The following PRKD3 variants were observed in gnomAD, a reference collection of about 807,000 sequenced individuals.
PRKD3 encodes the protein serine/threonine-protein kinase D3.
A neutral mutation model predicts 99.2 loss-of-function variants in PRKD3; 47 were observed. The observed-to-expected ratio is 0.47, with a 90% CI of 0.38 to 0.60. The LOEUF (loss-of-function observed/expected upper bound fraction) is 0.60. Among genes scored for constraint, PRKD3 ranks in the 20% least tolerant of loss-of-function variants. The pLI is 0.00. For synonymous variants in PRKD3, 392 were observed against 355.4 expected, an observed-to-expected ratio of 1.10 and a Z score of -1.16; for missense variants, 1,019 against 1,088.4, an observed-to-expected ratio of 0.94 and a Z score of 0.90.
chr2:37,262,895 T>TCCC (rs68028740), intron 14 of PRKD3, among the ~76,000 whole-genome samples: 1 of 144,378 alleles, frequency 6.9e-6, no homozygotes, highest in Non-Finnish European at 1.5e-5. Context: ...TAAGATTCCT[T>TCCC]CCCCCCCCCG....
intron 2 of PRKD3, among the ~76,000 whole-genome samples, chr2:37,311,078 A>C (rs1448084889): frequency 6.6e-6 from 1 of 152,188 alleles, no homozygotes; most frequent in African/African-American, 2.4e-5. Context: ...CTATATGTGC[A>C]TAAAGAGACC....
rs1176890864 is a variant in PRKD3 at position 37,251,096 on chromosome 2, G to A, written c.*2081C>T. The stretch of plus-strand genomic sequence containing the variant: ...ATAGTAAAACCACAGTAGATTGATT[G>A]CCTAGTGACTCAGAATTATTCCATT... On this transcript the variant is annotated 3_prime_UTR_variant, in exon 19 of 19. Coordinates refer to ENST00000234179, the MANE Select transcript of PRKD3 (RefSeq NM_005813.6). 8 of 152,608 alleles carry A rather than the reference G, an allele frequency of 5.2e-5. No individual in the cohort carries two copies. The highest frequency in any genetic ancestry group is 1.9e-4 in the African/African-American group (8 of 41,452). The allele number at this position is 152,608 out of a possible 1,614,324, so 9.5% of individuals were successfully genotyped here. A position where few individuals can be genotyped will look rare whatever the true frequency, so the allele number is the denominator to read the frequency against.
Position 37,250,740 on chromosome 2 carries a change from C to T in PRKD3, c.*2437G>A, listed in dbSNP as rs912648517. ...ATAGGAAATACATTTTATTATCAAG[C>T]TTCCAGTATATTTACAAAAAGTTGG... On this transcript the variant is annotated 3_prime_UTR_variant, in exon 19 of 19. Coordinates refer to ENST00000234179, the MANE Select transcript of PRKD3 (RefSeq NM_005813.6). 7 of 152,166 alleles carry T rather than the reference C, an allele frequency of 4.6e-5. No homozygotes were observed. Among genetic ancestry groups the T allele is most frequent in the African/African-American group, 1.7e-4 (7 of 41,314 alleles). The allele number at this position is 152,166 out of a possible 1,614,324, so 9.4% of individuals were successfully genotyped here. A position where few individuals can be genotyped will look rare whatever the true frequency, so the allele number is the denominator to read the frequency against.
At chr2:37,262,548 C>T (rs190512427) in intron 14 of PRKD3, among the ~76,000 whole-genome samples, 1 of 152,192 alleles carries the variant, frequency 6.6e-6, no homozygotes, top group African/African-American at 2.4e-5. Context: ...ATAAATGAAA[C>T]TCAAATACCC....
At chr2:37,275,376 C>G (rs1177151497) in intron 10 of PRKD3, among the ~76,000 whole-genome samples, 2 of 152,154 alleles carry the variant, frequency 1.3e-5, no homozygotes, top group Admixed American at 1.3e-4. Context: ...AAGAGCCAAA[C>G]AAGCAATTGG....
intron 8 of PRKD3, 57 bp downstream of exon 8, chr2:37,279,689 T>G: frequency 1.5e-3 from 1,956 of 1,332,470 alleles, no homozygotes; most frequent in Non-Finnish European, 1.8e-3. Context: ...TTTTTCTTAA[T>G]GAGATCCTGA....
intron 18 of PRKD3, 133 bp downstream of exon 18, chr2:37,254,071 G>A: frequency 1.5e-6 from 1 of 660,812 alleles, no homozygotes; most frequent in Non-Finnish European, 2.7e-6. Flanking sequence ...CAGAGATTCA[G>A]CCATAGTACA....
At chr2:37,283,399 TA>T in intron 6 of PRKD3, among the ~76,000 whole-genome samples, 1 of 152,172 alleles carries the variant, frequency 6.6e-6, no homozygotes, top group Non-Finnish European at 1.5e-5. Context: ...AATAACTGGG[TA>T]AAAATAACTT....
chr2:37,296,929 T>C (rs979308006), intron 2 of PRKD3, among the ~76,000 whole-genome samples: 1 of 147,066 alleles, frequency 6.8e-6, no homozygotes, highest in Non-Finnish European at 1.5e-5. Flanking sequence ...AAAAATTATG[T>C]AAGAGTCTAA....
chr2:37,306,448 T>C (rs1558574602), intron 2 of PRKD3, among the ~76,000 whole-genome samples: 2 of 152,194 alleles, frequency 1.3e-5, no homozygotes, highest in African/African-American at 4.8e-5. Flanking sequence ...TATAGGAACT[T>C]TTTATATATA....
chr2:37,303,162 A>C (rs1671011704), intron 2 of PRKD3, among the ~76,000 whole-genome samples: 1 of 152,060 alleles, frequency 6.6e-6, no homozygotes, highest in Non-Finnish European at 1.5e-5. Context: ...ACTATCGGGA[A>C]GAGCCGCTGG....
At chr2:37,287,737 T>C (rs984020453) in intron 5 of PRKD3, among the ~76,000 whole-genome samples, 3 of 152,204 alleles carry the variant, frequency 2.0e-5, no homozygotes, top group Non-Finnish European at 2.9e-5. Context: ...ATGAGCCACA[T>C]TGAACTGGGT....
chr2:37,282,771 TGCACCCCCCC>T (rs1266958807), intron 6 of PRKD3, 152 bp from the exon 7 acceptor site: 23 of 623,172 alleles, frequency 3.7e-5, no homozygotes, highest in Non-Finnish European at 6.6e-5. Context: ...AGCACCCCTC[TGCACCCCCCC>T]ATCATTTTCT....
chr2:37,293,361 G>A, intron 2 of PRKD3, 90 bp from the exon 3 acceptor site: 2 of 1,287,572 alleles, frequency 1.6e-6, no homozygotes, highest in African/African-American at 1.5e-5. Context: ...TTAAAACATA[G>A]TGTTTTTAAC....
At chr2:37,257,944 T>A (rs965193229) in intron 16 of PRKD3, among the ~76,000 whole-genome samples, 2 of 152,174 alleles carry the variant, frequency 1.3e-5, no homozygotes, top group African/African-American at 4.8e-5. Flanking sequence ...CCATAGTCAC[T>A]ACCACATCCT....
chr2:37,254,991 G>T (rs1205398955), intron 17 of PRKD3, among the ~76,000 whole-genome samples: 1 of 152,092 alleles, frequency 6.6e-6, no homozygotes, highest in Non-Finnish European at 1.5e-5. Context: ...CTATATAATG[G>T]TACATTTGAA....
Position 37,266,708 on chromosome 2 carries a change from G to A in PRKD3, c.1884+722C>T, listed in dbSNP as rs548650188. ...TCACCATGTTAGTCAGGCTGGTCCC[G>A]AACTCCTAACCTCAGGTGATCCACC... On this transcript the variant is annotated intron_variant, in intron 14 of 18. Coordinates refer to ENST00000234179, the MANE Select transcript of PRKD3 (RefSeq NM_005813.6). 5.9e-5 allele frequency among the ~76,000 whole-genome samples: 9 copies of A among 152,108 alleles called. No individual in the cohort carries two copies. The East Asian group carries it at 7.7e-4, about 13-fold the overall frequency.
intron 14 of PRKD3, among the ~76,000 whole-genome samples, chr2:37,265,535 A>G (rs1668779141): frequency 6.6e-6 from 1 of 152,138 alleles, no homozygotes; most frequent in Admixed American, 6.6e-5. Context: ...GGTCAGTCCA[A>G]TGATGTAAAG....
chr2:37,315,472 T>C (rs1050415669), intron 2 of PRKD3, among the ~76,000 whole-genome samples: 10 of 152,028 alleles, frequency 6.6e-5, no homozygotes, highest in Non-Finnish European at 1.2e-4. Flanking sequence ...AGAATCTTCC[T>C]AAACAAGATC....
Sources: allele counts gnomAD v4.1 joint callset (sites outside exome capture counted in the v4.1 genomes callset), GRCh38; gene constraint gnomAD v4.1.1; transcripts MANE v1.5; gene names NCBI Gene and HGNC (gene_info 2026-07-23, HGNC 2026-07-21).